The following IL34 variants were observed in gnomAD, a reference collection of about 807,000 sequenced individuals.
IL34 encodes interleukin-34.
In IL34, 17 loss-of-function variants were observed where a neutral mutation model predicts 25.3. The observed-to-expected ratio is 0.67, with a 90% CI of 0.46 to 1.01. The LOEUF is 1.01. Among genes scored for constraint, IL34 ranks in the 50% least tolerant of loss-of-function variants. IL34 has a pLI of 0.00. For missense variants in IL34, 368 were observed against 312.9 expected (o/e 1.18, Z -1.33); for synonymous variants, 174 against 140.9 (o/e 1.23, Z -1.66).
At chr16:70,597,900 C>T (rs1275607256) in intron 1 of IL34, among the ~76,000 whole-genome samples, 3 of 152,088 alleles carry the variant, frequency 2.0e-5, no homozygotes, top group African/African-American at 4.8e-5. Context: ...TGCAATGGCG[C>T]GATCTTGGCT....
intron 1 of IL34, among the ~76,000 whole-genome samples, chr16:70,647,191 G>T (rs1233094677): frequency 6.6e-6 from 1 of 152,230 alleles, no homozygotes; most frequent in Non-Finnish European, 1.5e-5. Flanking sequence ...GGCAGTTCTG[G>T]CTGGGTGGGC....
At chr16:70,602,100 G>A (rs998627991) in intron 1 of IL34, among the ~76,000 whole-genome samples, 17 of 152,354 alleles carry the variant, frequency 1.1e-4, no homozygotes, top group Non-Finnish European at 2.4e-4. Flanking sequence ...AGACTCTGAA[G>A]TTGCAGGACT....
intron 1 of IL34, among the ~76,000 whole-genome samples, chr16:70,607,202 C>T (rs765789914): frequency 4.6e-5 from 7 of 152,092 alleles, no homozygotes; most frequent in Admixed American, 2.0e-4. Context: ...CCTGGGTTCA[C>T]GCTATTCTCC....
chr16:70,644,406 G>A (rs1295185043), upstream of IL34, among the ~76,000 whole-genome samples: 1 of 152,010 alleles, frequency 6.6e-6, no homozygotes, highest in African/African-American at 2.4e-5. Context: ...CTATATGGGG[G>A]TCTGTTATAC....
intron 1 of IL34, among the ~76,000 whole-genome samples, chr16:70,592,782 G>A (rs2050771177): frequency 1.3e-5 from 2 of 152,154 alleles, no homozygotes; most frequent in African/African-American, 4.8e-5. Context: ...AGCCTCCTGA[G>A]TAGCTGGGAT....
intron 1 of IL34, among the ~76,000 whole-genome samples, chr16:70,630,897 A>T (rs960930743): frequency 6.6e-6 from 1 of 152,168 alleles, no homozygotes; most frequent in African/African-American, 2.4e-5. Flanking sequence ...TCATCTGCTG[A>T]TGGGCACTCA....
chr16:70,633,283 T>TC (rs751662635), intron 1 of IL34, among the ~76,000 whole-genome samples: 72 of 151,456 alleles, frequency 4.8e-4, no homozygotes, highest in Non-Finnish European at 8.4e-4. Flanking sequence ...AGACAGGGTC[T>TC]CACTCTGTTG....
At chr16:70,637,261 G>T (rs767392132) in intron 1 of IL34, among the ~76,000 whole-genome samples, 3 of 152,114 alleles carry the variant, frequency 2.0e-5, no homozygotes, top group South Asian at 2.1e-4. Context: ...TGTGCTTTTG[G>T]TGTCATATAT....
intron 4 of IL34, among the ~76,000 whole-genome samples, chr16:70,658,423 C>T (rs1400396005): frequency 6.6e-6 from 1 of 152,120 alleles, no homozygotes; most frequent in Non-Finnish European, 1.5e-5. Flanking sequence ...CTTTCTGCCT[C>T]AGCCTCCCAA....
At chr16:70,633,898 T>G (rs1324960584) in intron 1 of IL34, among the ~76,000 whole-genome samples, 1 of 152,028 alleles carries the variant, frequency 6.6e-6, no homozygotes, top group Non-Finnish European at 1.5e-5. Context: ...TCGCCCAGGC[T>G]GGAGTGCGGT....
rs774940354 is a variant in IL34 at position 70,660,392 on chromosome 16, G to A, written c.*205G>A. ...TAGCTGTCATGGCCTCACCTGGAGC[G>A]GAGGGGACCTGGGGACCTGAAGGTG... On this transcript the variant is annotated 3_prime_UTR_variant, in exon 6 of 6. Coordinates refer to ENST00000288098, the MANE Select transcript of IL34 (RefSeq NM_001393494.1). The A allele has an allele frequency of 6.2e-5, 32 of 513,582 alleles. No individual in the cohort carries two copies. Among genetic ancestry groups the A allele is most frequent in the South Asian group, 3.2e-4 (9 of 27,850 alleles). The allele number at this position is 513,582 out of a possible 1,614,324, so 31.8% of individuals were successfully genotyped here. A position where few individuals can be genotyped will look rare whatever the true frequency, so the allele number is the denominator to read the frequency against.
At chr16:70,609,530 T>C (rs1380885586) in intron 1 of IL34, among the ~76,000 whole-genome samples, 1 of 151,766 alleles carries the variant, frequency 6.6e-6, no homozygotes, top group East Asian at 1.9e-4. Flanking sequence ...TTAATGTCAC[T>C]GTGCAGATCA....
At chr16:70,608,954 G>A (rs563603288) in intron 1 of IL34, among the ~76,000 whole-genome samples, 1 of 152,344 alleles carries the variant, frequency 6.6e-6, no homozygotes, top group African/African-American at 2.4e-5. Flanking sequence ...TCTGTAAAAT[G>A]GGGGTAATCA....
chr16:70,593,361 A>G (rs1377970263), intron 1 of IL34, among the ~76,000 whole-genome samples: 1 of 152,196 alleles, frequency 6.6e-6, no homozygotes, highest in Admixed American at 6.5e-5. Flanking sequence ...ACCAAACCCA[A>G]GATCAGCTAG....
chr16:70,655,864 G>A (rs2052205590), intron 2 of IL34, among the ~76,000 whole-genome samples: 1 of 152,178 alleles, frequency 6.6e-6, no homozygotes, highest in African/African-American at 2.4e-5. Flanking sequence ...GTGAGCCACT[G>A]CACCTGGCTT....
intron 1 of IL34, among the ~76,000 whole-genome samples, chr16:70,652,356 G>A (rs914101819): frequency 1.3e-5 from 2 of 152,150 alleles, no homozygotes; most frequent in Admixed American, 1.3e-4. Context: ...TTACTGGGAG[G>A]CTGAGGCAGG....
intron 2 of IL34, among the ~76,000 whole-genome samples, chr16:70,655,342 C>G (rs143982737): frequency 6.6e-6 from 1 of 151,556 alleles, no homozygotes; most frequent in Non-Finnish European, 1.5e-5. Flanking sequence ...TGAGCCACTG[C>G]GCCCGGCCCT....
At position 70,660,264 on chromosome 16, in the gene IL34, G is replaced by C. The variant is rs1305394432; in HGVS notation, c.*77G>C. The C allele has an allele frequency of 9.5e-6, 13 of 1,369,502 alleles. No homozygotes were observed. In the Admixed American group the frequency reaches 1.3e-4, roughly 14 times the overall value. 84.8% of individuals were successfully genotyped at this position (1,369,502 alleles called of 1,614,324 possible). A position where few individuals can be genotyped will look rare whatever the true frequency, so the allele number is the denominator to read the frequency against. ...AGTTCAACTGGGTCTGAGACTTCAA[G>C]GGGTGGTGGTGGGAGCCCCCCTTGG... On this transcript the variant is annotated 3_prime_UTR_variant, in exon 6 of 6. Transcript: ENST00000288098.
intron 1 of IL34, among the ~76,000 whole-genome samples, chr16:70,598,444 A>G (rs1272050201): frequency 6.6e-6 from 1 of 152,132 alleles, no homozygotes; most frequent in Non-Finnish European, 1.5e-5. Flanking sequence ...AAGAAAAAAA[A>G]AATCAATCTT....
Sources: allele counts gnomAD v4.1 joint callset (sites outside exome capture counted in the v4.1 genomes callset), GRCh38; gene constraint gnomAD v4.1.1; transcripts MANE v1.5; gene names NCBI Gene and HGNC (gene_info 2026-07-23, HGNC 2026-07-21).